UST: variants seen among roughly 807,000 people sequenced by gnomAD.
The protein encoded by UST is uronyl 2-sulfotransferase.
UST carries 21 observed loss-of-function variants against 45.6 expected under a neutral mutation model. That is an observed-to-expected ratio of 0.46 (90% CI 0.33 to 0.66). The LOEUF (loss-of-function observed/expected upper bound fraction) is 0.66, where lower values mean the gene tolerates loss of function less well. Among genes scored for constraint, UST ranks in the 30% least tolerant of loss-of-function variants. The probability of loss-of-function intolerance (pLI) is 0.02; values close to 1 mark genes in which losing one functional copy is unlikely to be tolerated. For synonymous variants in UST, 215 were observed against 200.6 expected (o/e 1.07, Z -0.61); for missense variants, 463 against 512.4 (o/e 0.90, Z 0.93).
chr6:149,017,526 G>C (rs1775921290), intron 5 of UST, among the ~76,000 whole-genome samples: 1 of 152,074 alleles, frequency 6.6e-6, no homozygotes. Flanking sequence ...TCTCCTTCCA[G>C]ATCCTTTTGT....
At chr6:148,944,508 T>TACACACACAC (rs10663979) in intron 3 of UST, among the ~76,000 whole-genome samples, 2,716 of 142,608 alleles carry the variant, frequency 0.019, 37 homozygotes, top group African/African-American at 0.024. Context: ...GTTGTGATCA[T>TACACACACAC]ACACACACAC....
chr6:148,789,989 C>CTT (rs56987468), intron 1 of UST, among the ~76,000 whole-genome samples: 1,612 of 126,996 alleles, frequency 0.013, 30 homozygotes, highest in African/African-American at 0.037. Flanking sequence ...TTTCAGGATT[C>CTT]TTTTTTTTTT....
chr6:148,773,692 T>C (rs937407898), intron 1 of UST, among the ~76,000 whole-genome samples: 3 of 152,206 alleles, frequency 2.0e-5, no homozygotes, highest in African/African-American at 4.8e-5. Context: ...TCCATACTTT[T>C]GTTTTACACT....
intron 5 of UST, among the ~76,000 whole-genome samples, chr6:148,974,411 A>C (rs1780976945): frequency 6.6e-6 from 1 of 152,232 alleles, no homozygotes; most frequent in South Asian, 2.1e-4. Flanking sequence ...TTTGCTAAGC[A>C]CATGTAACAA....
rs1281245801 is a variant in UST at position 148,865,700 on chromosome 6, GT to G, written c.248-21285del. On this transcript the variant is annotated intron_variant, in intron 1 of 7. Coordinates refer to ENST00000367463, the MANE Select transcript of UST (RefSeq NM_005715.3). Reference sequence around the variant, plus strand: ...TGTGTGTGTGTGTGTGTGTGTGTGTGTGTGTGTGTGTGTGAATTCAGAGAAG... The same window carrying G: ...TGTGTGTGTGTGTGTGTGTGTGTGTGGTGTGTGTGTGTGAATTCAGAGAAG... Among the ~76,000 whole-genome samples, 94 of 147,958 alleles carry G rather than the reference GT, an allele frequency of 6.4e-4. 1 individual carries two copies. Among genetic ancestry groups the G allele is most frequent in the African/African-American group, 2.0e-3 (79 of 39,600 alleles).
chr6:149,029,866 TTG>T (rs3074362), intron 7 of UST, among the ~76,000 whole-genome samples: 32,056 of 140,408 alleles, frequency 0.23, 3,592 homozygotes, highest in South Asian at 0.39. Context: ...GCACTGGATC[TTG>T]TGTGTGTGTG....
chr6:149,068,974 A>G (rs913649892), intron 7 of UST, among the ~76,000 whole-genome samples: 1 of 152,166 alleles, frequency 6.6e-6, no homozygotes, highest in African/African-American at 2.4e-5. Flanking sequence ...GCTCCCATAT[A>G]TGAGTGAAAA....
At chr6:148,797,882 T>A (rs1039041654) in intron 1 of UST, among the ~76,000 whole-genome samples, 1 of 152,078 alleles carries the variant, frequency 6.6e-6, no homozygotes. Context: ...GTAGGAGTGG[T>A]GGCAAATGAT....
chr6:149,044,608 T>G (rs891373779), intron 7 of UST, among the ~76,000 whole-genome samples: 3 of 152,220 alleles, frequency 2.0e-5, no homozygotes, highest in Non-Finnish European at 4.4e-5. Flanking sequence ...TAATATGAAG[T>G]GTGAGTGGTG....
intron 5 of UST, among the ~76,000 whole-genome samples, chr6:148,990,864 A>G (rs1479322998): frequency 6.6e-6 from 1 of 152,190 alleles, no homozygotes; most frequent in East Asian, 1.9e-4. Context: ...GCAGTGTTCC[A>G]CGTAGACTCA....
At chr6:148,986,480 A>G (rs1418875964) in intron 5 of UST, among the ~76,000 whole-genome samples, 1 of 152,234 alleles carries the variant, frequency 6.6e-6, no homozygotes, top group African/African-American at 2.4e-5. Context: ...TGCGCTAGTC[A>G]GTTGACACAA....
intron 1 of UST, among the ~76,000 whole-genome samples, chr6:148,812,632 G>T (rs1006297463): frequency 1.3e-5 from 2 of 152,178 alleles, no homozygotes; most frequent in Non-Finnish European, 2.9e-5. Flanking sequence ...TTCAGTTTCT[G>T]GCCACATGGG....
At position 149,020,311 on chromosome 6, in the gene UST, C is replaced by T. The variant is rs532002691; in HGVS notation, c.780-1013C>T. ...CTGAGTCCAGGTGGCCTCTCCCCTG[C>T]CCCCGACCCTTGCCTCAATAACAAA... On this transcript the variant is annotated intron_variant, in intron 6 of 7. Coordinates refer to ENST00000367463, the MANE Select transcript of UST (RefSeq NM_005715.3). Among the ~76,000 whole-genome samples, 10 of 152,186 alleles carry T rather than the reference C, an allele frequency of 6.6e-5. No individual in the cohort carries two copies. The East Asian group carries it at 1.9e-3, about 29-fold the overall frequency.
intron 3 of UST, among the ~76,000 whole-genome samples, chr6:148,946,877 GT>G (rs955983783): frequency 5.2e-5 from 7 of 134,246 alleles, no homozygotes; most frequent in African/African-American, 2.0e-4. Context: ...AGATTTCTCT[GT>G]TTTTTGTTCA....
chr6:148,808,617 T>G (rs998640036), intron 1 of UST, among the ~76,000 whole-genome samples: 1 of 151,992 alleles, frequency 6.6e-6, no homozygotes, highest in Non-Finnish European at 1.5e-5. Context: ...TTGCTTGATA[T>G]AAATTAAAGA....
At chr6:148,956,380 A>T (rs1487374712) in intron 4 of UST, among the ~76,000 whole-genome samples, 6 of 48,514 alleles carry the variant, frequency 1.2e-4, no homozygotes, top group Admixed American at 1.1e-3. Flanking sequence ...GGTGGCGGCA[A>T]GAGAAATGAG....
intron 5 of UST, among the ~76,000 whole-genome samples, chr6:148,977,405 C>G (rs1781035908): frequency 6.6e-6 from 1 of 151,902 alleles, no homozygotes; most frequent in Non-Finnish European, 1.5e-5. Flanking sequence ...AGCTTTTTCC[C>G]CAATTGTCCT....
chr6:148,918,887 C>G lies in UST; in HGVS notation c.292-22392C>G, dbSNP rs1185913090. Among the ~76,000 whole-genome samples the G allele has an allele frequency of 3.3e-5, 5 of 152,068 alleles. No individual in the cohort carries two copies. The East Asian group carries it at 9.6e-4, about 29-fold the overall frequency. ...ATTTGGAAGATAGCTTTGTTAGCCA[C>G]CTTGCATCCCTTCTGGAATAGACTA... On this transcript the variant is annotated intron_variant, in intron 2 of 7. Transcript: ENST00000367463.
chr6:149,041,346 C>T (rs556393282), intron 7 of UST, among the ~76,000 whole-genome samples: 2 of 152,342 alleles, frequency 1.3e-5, no homozygotes, highest in South Asian at 2.1e-4. Context: ...AGCGAGCTAT[C>T]GCTGCAACAT....
Sources: allele counts gnomAD v4.1 joint callset (sites outside exome capture counted in the v4.1 genomes callset), GRCh38; gene constraint gnomAD v4.1.1; transcripts MANE v1.5; gene names NCBI Gene and HGNC (gene_info 2026-07-23, HGNC 2026-07-21).